Variants in ZNF282 observed in about 807,000 individuals in gnomAD.
ZNF282 encodes the protein zinc finger protein 282, also known as HTLV-I U5 repressive element-binding protein 1.
In ZNF282, 30 loss-of-function variants were observed where a neutral mutation model predicts 61.9. The ratio of observed to expected loss-of-function variants is 0.48; its 90% CI spans 0.36 to 0.66. ZNF282 has a LOEUF of 0.66. Ranked by LOEUF, ZNF282 falls within the 30% of genes least tolerant of loss-of-function variation. ZNF282 has a pLI of 0.00. For synonymous variants in ZNF282, 396 were observed against 405.0 expected (o/e 0.98, Z 0.27); for missense variants, 788 against 941.4 (o/e 0.84, Z 2.13).
chr7:149,213,288 G>T (rs1011643041), intron 6 of ZNF282, among the ~76,000 whole-genome samples: 1 of 152,188 alleles, frequency 6.6e-6, no homozygotes, highest in Admixed American at 6.5e-5. Flanking sequence ...CTTCACTGTG[G>T]TTCTTATCAA....
At chr7:149,206,913 T>G (rs1036854637) in intron 3 of ZNF282, 91 bp downstream of exon 3, 2 of 1,523,024 alleles carry the variant, frequency 1.3e-6, no homozygotes, top group Non-Finnish European at 8.8e-7. Flanking sequence ...CTAGGCAGGT[T>G]GTTTCATATT....
Position 149,198,841 on chromosome 7 carries a change from A to G in ZNF282, c.585+89A>G. 6.7e-7 allele frequency: 1 copy of G among 1,488,502 alleles called. No homozygotes were observed. Among genetic ancestry groups the G allele is most frequent in the Middle Eastern group, 1.8e-4 (1 of 5,508 alleles). 92.2% of individuals were successfully genotyped at this position (1,488,502 alleles called of 1,614,324 possible). A position where few individuals can be genotyped will look rare whatever the true frequency, so the allele number is the denominator to read the frequency against. ...ATTTCATTTTGTCAGCCCTTCTCATAAACTTCTCTGGCTCCCCGTTATCCA... is the reference window on the plus strand; with the variant it reads ...ATTTCATTTTGTCAGCCCTTCTCATGAACTTCTCTGGCTCCCCGTTATCCA... On this transcript the variant is annotated intron_variant, in intron 2 of 7. Coordinates refer to ENST00000610704, the MANE Select transcript of ZNF282 (RefSeq NM_003575.4). The surrounding 1 kb of genome is among the most constrained non-coding windows in gnomAD (Gnocchi z 4.3).
At chr7:149,207,138 A>T (rs1165035561) in intron 3 of ZNF282, among the ~76,000 whole-genome samples, 1 of 152,112 alleles carries the variant, frequency 6.6e-6, no homozygotes, top group African/African-American at 2.4e-5. Context: ...AGCTGGTCTG[A>T]TGTTGGCTTT....
At position 149,198,771 on chromosome 7, in the gene ZNF282, G is replaced by T; in HGVS notation, c.585+19G>T. The T allele has an allele frequency of 6.2e-7, 1 of 1,605,666 alleles. No individual in the cohort carries two copies. Among genetic ancestry groups the T allele is most frequent in the Middle Eastern group, 1.7e-4 (1 of 5,974 alleles). On this transcript the variant is annotated intron_variant, in intron 2 of 7. Coordinates refer to ENST00000610704, the MANE Select transcript of ZNF282 (RefSeq NM_003575.4). The surrounding 1 kb of genome is among the most constrained non-coding windows in gnomAD (Gnocchi z 4.3). ...CCCCAAGGTATGTGGTGGTCCCTGGGGCAGGGATAGAGGTGAGGAACAGCA... is the reference window on the plus strand; with the variant it reads ...CCCCAAGGTATGTGGTGGTCCCTGGTGCAGGGATAGAGGTGAGGAACAGCA...
rs759158441 is a variant in ZNF282, at chr7:149,198,614, C to G, written c.447C>G (p.Ser149Arg). Residue 149 changes from serine to arginine, a missense_variant, in exon 2 of 8, where the codon AGC (serine) becomes AGG (arginine). By Grantham distance (110) the Ser-to-Arg change is moderately radical. Transcript: ENST00000610704. The surrounding 1 kb of genome is among the most constrained non-coding windows in gnomAD (Gnocchi z 4.3). ...TAVEFGNHME[S>R]KWAVLGTLLQ... ...TGGAATTTGGGAACCACATGGAGAG[C>G]AAGTGGGCCGTGCTGGGGACCCTGC... 3.1e-6 allele frequency: 5 copies of G among 1,614,146 alleles called. No homozygotes were observed. The highest frequency in any genetic ancestry group is 4.2e-6 in the Non-Finnish European group (5 of 1,180,036).
At position 149,206,830 on chromosome 7, in the gene ZNF282, C is replaced by T; in HGVS notation, c.712+8C>T. On this transcript the variant is annotated splice_region_variant and intron_variant, in intron 3 of 7. Transcript: ENST00000610704. ...AAACCCTCATGTCCCTGGGTAAGGA[C>T]ACCTTCTCTCCTCTTTGGTGAGCCA... is the stretch of plus-strand genomic sequence containing the variant. The T allele has an allele frequency of 6.2e-7, 1 of 1,613,884 alleles. No homozygotes were observed. Among genetic ancestry groups the T allele is most frequent in the Middle Eastern group, 1.6e-4 (1 of 6,062 alleles).
chr7:149,224,108 G>C lies in ZNF282; in HGVS notation c.1477G>C (p.Gly493Arg). ...GGGAEAGTGAGGGCGSCCPGG... is the reference protein window; with the variant it reads ...GGGAEAGTGARGGCGSCCPGG... The stretch of plus-strand genomic sequence containing the variant: ...CGGCGCGGAGGCGGGGACGGGGGCA[G>C]GCGGCGGCTGTGGCAGCTGCTGCCC... Residue 493 changes from glycine to arginine, a missense_variant, in exon 8 of 8, where the codon GGC becomes CGC. Gly to Arg is a moderately radical substitution (Grantham distance 125). Transcript: ENST00000610704. The C allele has an allele frequency of 1.4e-6, 2 of 1,425,506 alleles. No individual in the cohort carries two copies. Among genetic ancestry groups the C allele is most frequent in the Non-Finnish European group, 1.8e-6 (2 of 1,094,062 alleles). 88.3% of individuals were successfully genotyped at this position (1,425,506 alleles called of 1,614,324 possible).
At chr7:149,217,965 G>A (rs931936402) in intron 7 of ZNF282, among the ~76,000 whole-genome samples, 16 of 151,636 alleles carry the variant, frequency 1.1e-4, no homozygotes, top group African/African-American at 3.4e-4. Flanking sequence ...AGACTAGGCC[G>A]GGTGTCATGG....
intron 7 of ZNF282, among the ~76,000 whole-genome samples, chr7:149,220,923 T>TTTTTTTG (rs1554471495): frequency 1.5e-5 from 1 of 66,830 alleles, no homozygotes. Flanking sequence ...GAGGGTTTTT[T>TTTTTTTG]TTTTTTTTTT....
chr7:149,195,597 T>C lies in ZNF282; in HGVS notation c.8T>C (p.Phe3Ser). The change falls in exon 1 of 8, where the codon TTT (phenylalanine) becomes TCT (serine). Residue 3 changes from phenylalanine to serine, a missense_variant. Phe to Ser is a radical substitution (Grantham distance 155). Transcript: ENST00000610704. ...GGGAACAGCACTCCCAGGATGCAGTTTGTGTCAACACGGCCGCAGCCTCAG... is the reference window on the plus strand; with the variant it reads ...GGGAACAGCACTCCCAGGATGCAGTCTGTGTCAACACGGCCGCAGCCTCAG... MQ[F>S]VSTRPQPQQL... The C allele has an allele frequency of 1.2e-6, 2 of 1,610,906 alleles. No homozygotes were observed. Among genetic ancestry groups the C allele is most frequent in the Non-Finnish European group, 1.7e-6 (2 of 1,178,824 alleles).
chr7:149,214,693 C>T (rs1563179406), intron 7 of ZNF282, among the ~76,000 whole-genome samples: 3 of 152,190 alleles, frequency 2.0e-5, no homozygotes, highest in South Asian at 4.2e-4. Flanking sequence ...ATTAGCCAGG[C>T]GTGGTGACTT....
intron 7 of ZNF282, among the ~76,000 whole-genome samples, chr7:149,223,308 C>A (rs1796289279): frequency 6.6e-6 from 1 of 151,122 alleles, no homozygotes; most frequent in Non-Finnish European, 1.5e-5. Flanking sequence ...ATTAGCTGGG[C>A]CTGGTGGCGC....
Position 149,224,453 on chromosome 7 carries a change from G to A in ZNF282, c.1822G>A (p.Gly608Ser), listed in dbSNP as rs773641077. The A allele has an allele frequency of 1.9e-6, 3 of 1,613,666 alleles. No individual in the cohort carries two copies. The highest frequency in any genetic ancestry group is 1.7e-6 in the Non-Finnish European group (2 of 1,179,974). Residue 608 changes from glycine (G) to serine (S), a missense_variant, in exon 8 of 8, where the codon GGC becomes AGC. Gly to Ser is a moderately conservative substitution (Grantham distance 56). This residue lies in a region of ZNF282 where 559 missense variants were observed against 642.0 expected (regional missense o/e 0.87). Transcript: ENST00000610704. ...GERPFQCALC[G>S]KSFIRKQNLL... ...GCGGCCTTTCCAATGTGCACTGTGC[G>A]GCAAGAGCTTCATCCGCAAGCAGAA...
At chr7:149,202,522 G>A (rs1172781806) in intron 2 of ZNF282, among the ~76,000 whole-genome samples, 1 of 151,816 alleles carries the variant, frequency 6.6e-6, no homozygotes, top group Non-Finnish European at 1.5e-5. Flanking sequence ...CACTATGTTG[G>A]TCAGGCTGGT....
chr7:149,211,213 T>A (rs4727031), intron 5 of ZNF282, among the ~76,000 whole-genome samples: 3 of 151,960 alleles, frequency 2.0e-5, no homozygotes, highest in Non-Finnish European at 4.4e-5. Flanking sequence ...AGCTCTGTTA[T>A]AGCAGATGTA....
rs1483232650 is a variant in ZNF282 at position 149,198,068 on chromosome 7, G to T, written c.166-265G>T. On this transcript the variant is annotated intron_variant, in intron 1 of 7. Transcript: ENST00000610704. The surrounding 1 kb of genome is among the most constrained non-coding windows in gnomAD (Gnocchi z 4.3). The stretch of plus-strand genomic sequence containing the variant: ...GTGGCCTGTGACATTTTAGGCAGGG[G>T]TTGCAGCCTTAACTTGCTAAGGGTC... Among the ~76,000 whole-genome samples the T allele has an allele frequency of 6.6e-6, 1 of 152,192 alleles. No individual in the cohort carries two copies. The highest frequency in any genetic ancestry group is 2.4e-5 in the African/African-American group (1 of 41,442).
chr7:149,218,117 AAAAG>A (rs1438579121), intron 7 of ZNF282, among the ~76,000 whole-genome samples: 3 of 149,966 alleles, frequency 2.0e-5, no homozygotes, highest in South Asian at 2.1e-4. Context: ...AAAAAAAAAA[AAAAG>A]AGAGAGAGAG....
At chr7:149,196,590 C>T (rs1419508744) in intron 1 of ZNF282, among the ~76,000 whole-genome samples, 4 of 152,160 alleles carry the variant, frequency 2.6e-5, no homozygotes, top group South Asian at 2.1e-4. Context: ...CTGCTCACCA[C>T]GCGGCTCTCA....
In ZNF282 at chr7:149,211,790, G is replaced by A. The variant is rs370846063; in HGVS notation, c.953-568G>A. 4.1e-4 allele frequency among the ~76,000 whole-genome samples: 63 copies of A among 152,244 alleles called. No individual in the cohort carries two copies. The East Asian group carries it at 0.012, about 28-fold the overall frequency. The stretch of plus-strand genomic sequence containing the variant: ...TTGTCATCAGGCATGACCCTTGAAA[G>A]CATCACAGTATTAGGATCTTTAAGG... On this transcript the variant is annotated intron_variant, in intron 5 of 7. Coordinates refer to ENST00000610704, the MANE Select transcript of ZNF282 (RefSeq NM_003575.4).
Sources: gnomAD v4.1 joint callset for allele counts (sites outside exome capture counted in the v4.1 genomes callset) on GRCh38, gnomAD v4.1.1 for gene constraint, gnomAD v4.1.1 regional missense constraint, Gnocchi (gnomAD v3.1) non-coding constraint, MANE v1.5 for transcripts, NCBI Gene and HGNC (gene_info 2026-07-23, HGNC 2026-07-21) for gene names.